The following NAALADL2 variants were observed in gnomAD, a reference collection of about 807,000 sequenced individuals.
NAALADL2 encodes inactive N-acetylated-alpha-linked acidic dipeptidase-like protein 2.
Under a neutral mutation model 87.2 loss-of-function variants are expected in NAALADL2, and 76 were observed. That is an observed-to-expected ratio of 0.87 (90% CI 0.72 to 1.05). The LOEUF (loss-of-function observed/expected upper bound fraction) is 1.05. Among genes scored for constraint, NAALADL2 ranks in the 50% least tolerant of loss-of-function variants. The pLI is 0.00. For missense variants in NAALADL2, 1,089 were observed against 945.8 expected (o/e 1.15, Z -1.99); for synonymous variants, 354 against 331.0 (o/e 1.07, Z -0.75).
rs576416222 is a variant in NAALADL2 at position 175,585,124 on chromosome 3, G to A, written c.1800+8937G>A. Among the ~76,000 whole-genome samples, 6 of 151,450 alleles carry A rather than the reference G, an allele frequency of 4.0e-5. No homozygotes were observed. The South Asian group carries it at 1.0e-3, about 26-fold the overall frequency. ...CTTGTTTGCTATCCTTATTCTATAAGCTTTTTTCTATTTTTATAAATTATT... is the reference window on the plus strand; with the variant it reads ...CTTGTTTGCTATCCTTATTCTATAAACTTTTTTCTATTTTTATAAATTATT... On this transcript the variant is annotated intron_variant, in intron 10 of 13. Transcript: ENST00000454872.
At chr3:175,379,787 G>A (rs1365874761) in intron 5 of NAALADL2, among the ~76,000 whole-genome samples, 2 of 152,118 alleles carry the variant, frequency 1.3e-5, no homozygotes, top group Non-Finnish European at 2.9e-5. Flanking sequence ...TATCAAGGCT[G>A]TGATCCAGAT....
intron 2 of NAALADL2, among the ~76,000 whole-genome samples, chr3:174,563,623 T>G (rs1713892851): frequency 6.6e-6 from 1 of 152,030 alleles, no homozygotes; most frequent in Admixed American, 6.6e-5. Context: ...TATTATTTGC[T>G]TCTAAGTATT....
At chr3:175,725,281 A>C (rs537692886) in intron 11 of NAALADL2, among the ~76,000 whole-genome samples, 1 of 152,240 alleles carries the variant, frequency 6.6e-6, no homozygotes, top group South Asian at 2.1e-4. Context: ...TAATTTACAA[A>C]GTACATCATT....
chr3:174,852,332 C>CA, intron 3 of NAALADL2, among the ~76,000 whole-genome samples: 1 of 151,696 alleles, frequency 6.6e-6, no homozygotes, highest in East Asian at 1.9e-4. Flanking sequence ...AGTACTCCAC[C>CA]AAAAAAACAA....
At chr3:174,939,475 C>A (rs548547750) in intron 1 of NAALADL2, among the ~76,000 whole-genome samples, 37 of 151,976 alleles carry the variant, frequency 2.4e-4, no homozygotes, top group African/African-American at 8.4e-4. Flanking sequence ...CGTAACATTA[C>A]CTTGGCATTT....
intron 2 of NAALADL2, among the ~76,000 whole-genome samples, chr3:175,203,580 C>T (rs1740388609): frequency 6.6e-6 from 1 of 150,816 alleles, no homozygotes; most frequent in Admixed American, 6.7e-5. Context: ...TGCAGTTGAT[C>T]TGGAACTAAA....
chr3:174,677,304 GT>G (rs777499643), intron 2 of NAALADL2, among the ~76,000 whole-genome samples: 2 of 151,488 alleles, frequency 1.3e-5, no homozygotes, highest in South Asian at 4.2e-4. Flanking sequence ...CCTGGGACTT[GT>G]TTTTTTCACT....
At chr3:175,387,660 T>C (rs1768561098) in intron 5 of NAALADL2, among the ~76,000 whole-genome samples, 2 of 152,120 alleles carry the variant, frequency 1.3e-5, no homozygotes, top group Admixed American at 1.3e-4. Context: ...GAGAAAGATT[T>C]GTTGAATATA....
chr3:175,752,950 A>T (rs1040013333), intron 12 of NAALADL2, among the ~76,000 whole-genome samples: 1 of 152,108 alleles, frequency 6.6e-6, no homozygotes, highest in Non-Finnish European at 1.5e-5. Flanking sequence ...ATTCCCTTGA[A>T]GTTATCTATA....
Position 174,867,446 on chromosome 3 carries a change from T to A in NAALADL2, c.43+7996T>A, listed in dbSNP as rs539491069. 1.6e-4 allele frequency among the ~76,000 whole-genome samples: 24 copies of A among 152,146 alleles called. No individual in the cohort carries two copies. The South Asian group carries it at 4.8e-3, about 30-fold the overall frequency. On this transcript the variant is annotated intron_variant, in intron 1 of 13. Transcript: ENST00000454872. Reference sequence around the variant, plus strand: ...TCTTTTAATATGTCACCATAAGCCATTTTCCTTTTTTGGTATATTTGTTTA... The same window carrying A: ...TCTTTTAATATGTCACCATAAGCCAATTTCCTTTTTTGGTATATTTGTTTA...
At chr3:174,632,768 C>A (rs1366682611) in intron 2 of NAALADL2, among the ~76,000 whole-genome samples, 1 of 151,708 alleles carries the variant, frequency 6.6e-6, no homozygotes, top group African/African-American at 2.4e-5. Context: ...AACCCCATCT[C>A]TACTAAAAAT....
At chr3:175,232,098 AAAG>A (rs1581030419) in intron 2 of NAALADL2, among the ~76,000 whole-genome samples, 1 of 151,938 alleles carries the variant, frequency 6.6e-6, no homozygotes, top group Non-Finnish European at 1.5e-5. Context: ...AGATATTTAA[AAAG>A]AAGAAGGAGA....
intron 2 of NAALADL2, among the ~76,000 whole-genome samples, chr3:175,150,713 C>T (rs955973421): frequency 1.3e-5 from 2 of 152,262 alleles, no homozygotes; most frequent in Middle Eastern, 3.4e-3. Context: ...ATTTTACCTC[C>T]CTTCTGCTGC....
chr3:175,002,082 C>A lies in NAALADL2; in HGVS notation c.44-94708C>A, dbSNP rs1748312990. Among the ~76,000 whole-genome samples the A allele has an allele frequency of 2.6e-5, 4 of 151,730 alleles. No homozygotes were observed. In the South Asian group the frequency reaches 8.3e-4, roughly 31 times the overall value. On this transcript the variant is annotated intron_variant, in intron 1 of 13. Transcript: ENST00000454872. The stretch of plus-strand genomic sequence containing the variant: ...TAAGGGCAAGTTTCCCATGATACGT[C>A]CCATGTGGAGCCAAGACCTATGTGC...
intron 3 of NAALADL2, among the ~76,000 whole-genome samples, chr3:174,849,306 C>T (rs981537431): frequency 1.3e-5 from 2 of 152,110 alleles, no homozygotes; most frequent in Admixed American, 1.3e-4. Flanking sequence ...CTTATTGATT[C>T]TGTTGTAATA....
intron 13 of NAALADL2, among the ~76,000 whole-genome samples, chr3:175,786,499 T>C (rs1328665627): frequency 1.3e-5 from 2 of 152,202 alleles, no homozygotes; most frequent in African/African-American, 4.8e-5. Flanking sequence ...CATCAGCTCC[T>C]GAGGCTTCTG....
At chr3:174,473,456 G>C (rs949547362) in intron 1 of NAALADL2, among the ~76,000 whole-genome samples, 13 of 152,106 alleles carry the variant, frequency 8.5e-5, no homozygotes, top group African/African-American at 2.9e-4. Flanking sequence ...CTTCCTTCCT[G>C]TGAATGCCCC....
At chr3:174,817,702 G>T (rs989612988) in intron 3 of NAALADL2, among the ~76,000 whole-genome samples, 9 of 152,100 alleles carry the variant, frequency 5.9e-5, no homozygotes, top group African/African-American at 2.2e-4. Flanking sequence ...TCCAAAAGAG[G>T]ATTAAAAATA....
chr3:175,048,570 T>C (rs1754972520), intron 1 of NAALADL2, among the ~76,000 whole-genome samples: 1 of 151,728 alleles, frequency 6.6e-6, no homozygotes, highest in South Asian at 2.1e-4. Flanking sequence ...GGAAAGGAGA[T>C]TATTGTTCTG....
Sources: gnomAD v4.1 joint callset for allele counts (sites outside exome capture counted in the v4.1 genomes callset) on GRCh38, gnomAD v4.1.1 for gene constraint, MANE v1.5 for transcripts, NCBI Gene and HGNC (gene_info 2026-07-23, HGNC 2026-07-21) for gene names.